GLI2: variants seen among roughly 807,000 people sequenced by gnomAD.
GLI2 encodes transcription activator GLI2.
A neutral mutation model predicts 78.9 loss-of-function variants in GLI2; 22 were observed. That is an observed-to-expected ratio of 0.28 (90% CI 0.20 to 0.40). The LOEUF is 0.40. Among genes scored for constraint, GLI2 ranks in the 10% least tolerant of loss-of-function variants. GLI2 has a pLI of 1.00. For missense variants in GLI2, 2,097 were observed against 2,213.2 expected, an observed-to-expected ratio of 0.95 and a Z score of 1.05; for synonymous variants, 974 against 963.7, an observed-to-expected ratio of 1.01 and a Z score of -0.20.
chr2:120,842,675 C>T (rs1475343976), intron 2 of GLI2, among the ~76,000 whole-genome samples: 5 of 152,190 alleles, frequency 3.3e-5, no homozygotes, highest in Admixed American at 3.3e-4. Flanking sequence ...CGTGGGCTGG[C>T]CTGGCCTCTG....
chr2:120,954,455 T>C (rs1225964245), intron 4 of GLI2, among the ~76,000 whole-genome samples: 2 of 152,012 alleles, frequency 1.3e-5, no homozygotes, highest in African/African-American at 4.8e-5. Context: ...CCTGGTCTCC[T>C]CTCTCTGCCA....
At chr2:120,758,658 TGCAGCTTCGG>T (rs1683109610) in intron 1 of GLI2, among the ~76,000 whole-genome samples, 1 of 152,214 alleles carries the variant, frequency 6.6e-6, no homozygotes, top group Non-Finnish European at 1.5e-5. Flanking sequence ...CTGCTCGGCC[TGCAGCTTCGG>T]GCGGGGTGGC....
intron 1 of GLI2, among the ~76,000 whole-genome samples, chr2:120,763,704 G>A (rs927206697): frequency 1.1e-4 from 16 of 152,258 alleles, no homozygotes; most frequent in African/African-American, 3.4e-4. Context: ...GCCACGCCCT[G>A]TAGCCATCGT....
At chr2:120,938,203 A>G (rs1290451859) in intron 3 of GLI2, among the ~76,000 whole-genome samples, 1 of 152,098 alleles carries the variant, frequency 6.6e-6, no homozygotes, top group Admixed American at 6.5e-5. Flanking sequence ...ACCCAGACAC[A>G]TTCCTGGTTC....
At chr2:120,930,574 C>G (rs959749515) in intron 3 of GLI2, among the ~76,000 whole-genome samples, 40 of 152,248 alleles carry the variant, frequency 2.6e-4, no homozygotes, top group African/African-American at 9.2e-4. Flanking sequence ...GGCACTGCCC[C>G]GAGTCCAGTC....
At chr2:120,875,322 A>G (rs1013464701) in intron 2 of GLI2, among the ~76,000 whole-genome samples, 2 of 152,236 alleles carry the variant, frequency 1.3e-5, no homozygotes, top group South Asian at 4.1e-4. Flanking sequence ...ATCTAGAGGG[A>G]AGGCCCATAA....
chr2:120,762,513 C>T (rs756386135), intron 1 of GLI2, among the ~76,000 whole-genome samples: 2 of 152,172 alleles, frequency 1.3e-5, no homozygotes, highest in Non-Finnish European at 2.9e-5. Flanking sequence ...AGGAGAGTCA[C>T]AGGAAGGGGC....
intron 1 of GLI2, among the ~76,000 whole-genome samples, chr2:120,767,760 C>T (rs1236551780): frequency 1.3e-5 from 2 of 152,238 alleles, no homozygotes; most frequent in Non-Finnish European, 2.9e-5. Flanking sequence ...TTAACCCAGG[C>T]GCTTGTCCAG....
chr2:120,988,432 C>T lies in GLI2; in HGVS notation c.2467C>T (p.Pro823Ser), dbSNP rs774425670. ...CAGCCGCCGCTCCAGCGAGGCCTCG[C>T]CCCTGGGCGCCGGCCGCCCGCACAA... ...FSSRRSSEAS[P>S]LGAGRPHNAS... The change falls in exon 14 of 14, where the codon CCC becomes TCC. Residue 823 changes from proline (P) to serine (S), a missense_variant. Pro to Ser is a moderately conservative substitution (Grantham distance 74). Coordinates refer to ENST00000361492, the MANE Select transcript of GLI2 (RefSeq NM_001374353.1). 3.8e-6 allele frequency: 6 copies of T among 1,574,500 alleles called. No individual in the cohort carries two copies. The highest frequency in any genetic ancestry group is 1.1e-5 in the South Asian group (1 of 87,626).
intron 2 of GLI2, among the ~76,000 whole-genome samples, chr2:120,918,835 A>G (rs996805519): frequency 1.8e-4 from 27 of 152,220 alleles, no homozygotes; most frequent in African/African-American, 6.5e-4. Flanking sequence ...TTGCTAGCGA[A>G]TGACAGAGCC....
At chr2:120,825,649 T>C (rs760586213) in intron 2 of GLI2, among the ~76,000 whole-genome samples, 1 of 152,010 alleles carries the variant, frequency 6.6e-6, no homozygotes, top group Non-Finnish European at 1.5e-5. Flanking sequence ...CACCGGACTG[T>C]GAGTGTGCAC....
At chr2:120,939,525 G>GT (rs1260704191) in intron 3 of GLI2, among the ~76,000 whole-genome samples, 1 of 152,080 alleles carries the variant, frequency 6.6e-6, no homozygotes, top group African/African-American at 2.4e-5. Flanking sequence ...GTATTAATTC[G>GT]TTTTGCTTTG....
chr2:120,795,546 A>C (rs868280123), intron 1 of GLI2, among the ~76,000 whole-genome samples: 83 of 151,828 alleles, frequency 5.5e-4, no homozygotes, highest in Admixed American at 7.2e-4. Context: ...AAAAAAAAAA[A>C]AACAACATAA....
At chr2:120,886,744 A>C (rs1677432773) in intron 2 of GLI2, among the ~76,000 whole-genome samples, 1 of 152,210 alleles carries the variant, frequency 6.6e-6, no homozygotes, top group Non-Finnish European at 1.5e-5. Context: ...GGTAGCCTGC[A>C]TGCTGGCCCC....
chr2:120,824,928 C>T (rs187532103), intron 2 of GLI2, among the ~76,000 whole-genome samples: 55 of 152,276 alleles, frequency 3.6e-4, no homozygotes, highest in Admixed American at 3.4e-3. Context: ...CTCGACCACC[C>T]GGGCTCAAGC....
intron 1 of GLI2, among the ~76,000 whole-genome samples, chr2:120,743,739 CTA>C (rs1440376939): frequency 6.6e-6 from 1 of 152,236 alleles, no homozygotes; most frequent in African/African-American, 2.4e-5. Flanking sequence ...GTTGCTTCGC[CTA>C]TCTCTGGGAA....
chr2:120,974,487 G>C (rs188779640), intron 8 of GLI2, among the ~76,000 whole-genome samples: 3 of 152,120 alleles, frequency 2.0e-5, no homozygotes, highest in Admixed American at 6.5e-5. Flanking sequence ...TCTTTCCTTC[G>C]CCTCATTAAA....
At chr2:120,850,296 G>A (rs1419436973) in intron 2 of GLI2, among the ~76,000 whole-genome samples, 1 of 151,146 alleles carries the variant, frequency 6.6e-6, no homozygotes, top group Non-Finnish European at 1.5e-5. Context: ...TAGAGAAGGG[G>A]AGAACAGAAC....
chr2:120,988,364 A>T lies in GLI2; in HGVS notation c.2399A>T (p.Tyr800Phe), dbSNP rs1232291280. 6.4e-7 allele frequency: 1 copy of T among 1,571,714 alleles called. No individual in the cohort carries two copies. The highest frequency in any genetic ancestry group is 1.1e-5 in the South Asian group (1 of 87,240). ...DSSTSTVSSA[Y>F]TVSRRSSGIS... ...TCCACCAGCACGGTCAGCTCGGCCT[A>T]CACCGTGAGCCGCCGCTCCTCCGGC... The change falls in exon 14 of 14, where the codon TAC becomes TTC. Residue 800 changes from tyrosine to phenylalanine, a missense_variant. Physicochemically the swap from Tyr to Phe is conservative, Grantham distance 22 (BLOSUM62 3). Transcript: ENST00000361492.
Sources: allele counts gnomAD v4.1 joint callset (sites outside exome capture counted in the v4.1 genomes callset), GRCh38; gene constraint gnomAD v4.1.1; transcripts MANE v1.5; gene names NCBI Gene and HGNC (gene_info 2026-07-23, HGNC 2026-07-21).